The following FTO variants were observed in gnomAD, a reference collection of about 807,000 sequenced individuals.
The protein encoded by FTO is alpha-ketoglutarate-dependent dioxygenase FTO.
Under a neutral mutation model 63.9 loss-of-function variants are expected in FTO, and 47 were observed. The ratio of observed to expected loss-of-function variants is 0.74; its 90% confidence interval spans 0.58 to 0.94. The LOEUF is 0.94. Among genes scored for constraint, FTO ranks in the 40% least tolerant of loss-of-function variants. The pLI is 0.00. For synonymous variants in FTO, 207 were observed against 224.4 expected, an observed-to-expected ratio of 0.92 and a Z score of 0.69; for missense variants, 562 against 618.1, an observed-to-expected ratio of 0.91 and a Z score of 0.96.
intron 4 of FTO, among the ~76,000 whole-genome samples, chr16:53,860,496 C>T (rs2080139671): frequency 6.6e-6 from 1 of 152,168 alleles, no homozygotes; most frequent in South Asian, 2.1e-4. Flanking sequence ...CCAGGCTGTT[C>T]AGGAAGTAGG....
intron 2 of FTO, chr16:53,814,771 C>G (rs1598732173): frequency 6.6e-6 from 1 of 152,434 alleles, no homozygotes; most frequent in East Asian, 1.9e-4. Context: ...CCAGCTACAT[C>G]TAACTCAACA....
chr16:54,024,221 CTGTT>C (rs1430814067), intron 8 of FTO, among the ~76,000 whole-genome samples: 3 of 151,962 alleles, frequency 2.0e-5, no homozygotes, highest in Non-Finnish European at 2.9e-5. Flanking sequence ...GGCTGTTTTT[CTGTT>C]TGTTTGTTTT....
chr16:53,880,937 T>TAAAAAAAAA (rs34062544), intron 6 of FTO, among the ~76,000 whole-genome samples: 3 of 67,680 alleles, frequency 4.4e-5, no homozygotes, highest in African/African-American at 5.7e-5. Flanking sequence ...CCGTCTCTAC[T>TAAAAAAAAA]AAAAAAAAAA....
In FTO at chr16:54,115,427, A is replaced by G. The variant is rs1356308568; in HGVS notation, c.*3512A>G. 16 of 152,290 alleles carry G rather than the reference A, an allele frequency of 1.1e-4. No individual in the cohort carries two copies. The highest frequency in any genetic ancestry group is 1.0e-3 in the Admixed American group (16 of 15,284). The allele number at this position is 152,290 out of a possible 1,614,324, so 9.4% of individuals were successfully genotyped here. A position where few individuals can be genotyped will look rare whatever the true frequency, so the allele number is the denominator to read the frequency against. ...ACCCCATAGTGGGGAAATAGACAGTAAGCAGCAAATCAATAACAAGAGTGT... is the reference window on the plus strand; with the variant it reads ...ACCCCATAGTGGGGAAATAGACAGTGAGCAGCAAATCAATAACAAGAGTGT... On this transcript the variant is annotated 3_prime_UTR_variant, in exon 9 of 9. Coordinates refer to ENST00000471389, the MANE Select transcript of FTO (RefSeq NM_001080432.3).
chr16:54,096,957 C>T (rs991967760), intron 8 of FTO, among the ~76,000 whole-genome samples: 2 of 152,208 alleles, frequency 1.3e-5, no homozygotes, highest in South Asian at 4.1e-4. Flanking sequence ...CTGTGTTGTC[C>T]TAGGGCTGGA....
intron 7 of FTO, among the ~76,000 whole-genome samples, chr16:53,916,105 A>G (rs2081858195): frequency 6.6e-6 from 1 of 152,174 alleles, no homozygotes; most frequent in Admixed American, 6.5e-5. Context: ...TATTTATATC[A>G]AGGTGCTTCA....
chr16:53,723,177 G>T (rs2076080472), intron 1 of FTO, among the ~76,000 whole-genome samples: 1 of 152,160 alleles, frequency 6.6e-6, no homozygotes, highest in Non-Finnish European at 1.5e-5. Context: ...TCTGCAGAAG[G>T]CTGTAACAGT....
chr16:54,040,795 A>G (rs922922270), intron 8 of FTO: 14 of 152,218 alleles, frequency 9.2e-5, no homozygotes, highest in African/African-American at 2.9e-4. Context: ...AGGTAGGGCC[A>G]TAGGAAGAAG....
chr16:53,768,496 A>G (rs1034727568), intron 1 of FTO, among the ~76,000 whole-genome samples: 21 of 152,208 alleles, frequency 1.4e-4, no homozygotes, highest in African/African-American at 4.8e-4. Flanking sequence ...GGGATGGAAT[A>G]GATATTTCTT....
chr16:53,948,599 G>T lies in FTO; in HGVS notation c.1364+14490G>T, dbSNP rs368042821. Among the ~76,000 whole-genome samples, 3 of 152,234 alleles carry T rather than the reference G, an allele frequency of 2.0e-5. No homozygotes were observed. The South Asian group carries it at 6.2e-4, about 32-fold the overall frequency. ...AGCCAGGCAGCTGCTATCCAGCCTT[G>T]CGAGGAGGCAGGATCTATGTTAGTA... On this transcript the variant is annotated intron_variant, in intron 8 of 8. Coordinates refer to ENST00000471389, the MANE Select transcript of FTO (RefSeq NM_001080432.3).
At chr16:53,862,438 T>C (rs1029822819) in intron 4 of FTO, among the ~76,000 whole-genome samples, 1 of 152,226 alleles carries the variant, frequency 6.6e-6, no homozygotes, top group Non-Finnish European at 1.5e-5. Flanking sequence ...GTTTATGTCC[T>C]TGCTCAACCA....
intron 1 of FTO, among the ~76,000 whole-genome samples, chr16:53,719,823 A>C (rs552715318): frequency 6.6e-6 from 1 of 151,916 alleles, no homozygotes; most frequent in Non-Finnish European, 1.5e-5. Context: ...AAAATCTTAA[A>C]ATAGTTTTAT....
At position 53,719,026 on chromosome 16, in the gene FTO, G is replaced by A. The variant is rs144704341; in HGVS notation, c.45+14797G>A. ...AAAGCCTAATAAAGCATTTTTGGCT[G>A]ATGGGGATAAGATCACAGTAGAAGA... On this transcript the variant is annotated intron_variant, in intron 1 of 8. Transcript: ENST00000471389. Among the ~76,000 whole-genome samples the A allele has an allele frequency of 3.4e-3, 511 of 152,240 alleles. 7 individuals are homozygous for A. The highest frequency in any genetic ancestry group is 1.7e-3 in the Non-Finnish European group (119 of 68,016).
At chr16:53,900,129 G>C (rs575386262) in intron 7 of FTO, among the ~76,000 whole-genome samples, 1 of 152,264 alleles carries the variant, frequency 6.6e-6, no homozygotes, top group East Asian at 1.9e-4. Context: ...GAATTCGAAT[G>C]CATATGGCAT....
chr16:54,108,589 C>G (rs553757500), intron 8 of FTO, among the ~76,000 whole-genome samples: 1 of 152,178 alleles, frequency 6.6e-6, no homozygotes, highest in Non-Finnish European at 1.5e-5. Context: ...ACAGGCAACT[C>G]TCTCATTGGC....
At chr16:54,015,595 A>C (rs1412028211) in intron 8 of FTO, among the ~76,000 whole-genome samples, 1 of 152,232 alleles carries the variant, frequency 6.6e-6, no homozygotes, top group East Asian at 1.9e-4. Context: ...ACAAAAAAGG[A>C]TTTAAAATTC....
chr16:53,838,811 C>T (rs1359751694), intron 3 of FTO, among the ~76,000 whole-genome samples: 1 of 151,958 alleles, frequency 6.6e-6, no homozygotes, highest in Non-Finnish European at 1.5e-5. Context: ...TGCACTCCAG[C>T]CTGGGCAACA....
intron 8 of FTO, among the ~76,000 whole-genome samples, chr16:54,081,070 G>A (rs2086128251): frequency 6.6e-6 from 1 of 152,092 alleles, no homozygotes; most frequent in African/African-American, 2.4e-5. Context: ...AAGGAGTTGG[G>A]ATTTTTTTTC....
At chr16:53,986,838 T>C (rs1237248101) in intron 8 of FTO, among the ~76,000 whole-genome samples, 1 of 152,222 alleles carries the variant, frequency 6.6e-6, no homozygotes, top group Non-Finnish European at 1.5e-5. Flanking sequence ...CGTTGTTATG[T>C]CACTCTGTTT....
Sources: allele counts gnomAD v4.1 joint callset (sites outside exome capture counted in the v4.1 genomes callset), GRCh38; gene constraint gnomAD v4.1.1; transcripts MANE v1.5; gene names NCBI Gene and HGNC (gene_info 2026-07-23, HGNC 2026-07-21).